NECAB1: variants seen among roughly 807,000 people sequenced by gnomAD.
NECAB1 encodes N-terminal EF-hand calcium binding protein 1, also known as N-terminal EF-hand calcium-binding protein 1.
A neutral mutation model predicts 57.5 loss-of-function variants in NECAB1; 29 were observed. That is an observed-to-expected ratio of 0.50 (90% confidence interval 0.38 to 0.69). NECAB1 has a LOEUF of 0.69. Among genes scored for constraint, NECAB1 ranks in the 30% least tolerant of loss-of-function variants. The probability of loss-of-function intolerance (pLI) is 0.00; values close to 1 mark genes in which losing one functional copy is unlikely to be tolerated. For missense variants in NECAB1, 372 were observed against 413.8 expected, an observed-to-expected ratio of 0.90 and a Z score of 0.88; for synonymous variants, 142 against 147.7, an observed-to-expected ratio of 0.96 and a Z score of 0.28.
intron 10 of NECAB1, among the ~76,000 whole-genome samples, chr8:90,945,574 C>T (rs760554390): frequency 6.6e-6 from 1 of 152,068 alleles, no homozygotes; most frequent in Non-Finnish European, 1.5e-5. Flanking sequence ...GAGGACTGGC[C>T]CTCTTGCCAT....
chr8:90,895,431 G>A (rs920248056), intron 5 of NECAB1, among the ~76,000 whole-genome samples: 2 of 152,098 alleles, frequency 1.3e-5, no homozygotes, highest in Non-Finnish European at 2.9e-5. Flanking sequence ...ACAAACCAAA[G>A]GCATGTATGT....
At chr8:90,954,771 T>C (rs932049317) in intron 12 of NECAB1, among the ~76,000 whole-genome samples, 2 of 150,010 alleles carry the variant, frequency 1.3e-5, no homozygotes, top group Non-Finnish European at 3.0e-5. Flanking sequence ...AAATATCATA[T>C]AGGTATAAAT....
chr8:90,927,592 G>A (rs1402573536), intron 7 of NECAB1, among the ~76,000 whole-genome samples: 4 of 145,074 alleles, frequency 2.8e-5, no homozygotes, highest in South Asian at 4.3e-4. Flanking sequence ...CTTCTATAAC[G>A]TTTAACTTGG....
At chr8:90,864,865 C>T (rs180852570) in intron 3 of NECAB1, among the ~76,000 whole-genome samples, 165 of 152,114 alleles carry the variant, frequency 1.1e-3, no homozygotes, top group Middle Eastern at 6.8e-3. Flanking sequence ...ATAAAATACC[C>T]AAGGAGTATT....
intron 3 of NECAB1, among the ~76,000 whole-genome samples, chr8:90,835,676 T>C (rs1011877992): frequency 6.6e-6 from 1 of 152,182 alleles, no homozygotes; most frequent in Non-Finnish European, 1.5e-5. Flanking sequence ...TTACATAATA[T>C]CTTCTGTTAT....
At chr8:90,805,808 A>C (rs1036191789) in intron 2 of NECAB1, among the ~76,000 whole-genome samples, 14 of 152,216 alleles carry the variant, frequency 9.2e-5, no homozygotes, top group African/African-American at 3.4e-4. Flanking sequence ...AGATAAATGT[A>C]TACATTGTGT....
At chr8:90,821,301 C>T (rs1812140529) in intron 2 of NECAB1, among the ~76,000 whole-genome samples, 1 of 151,860 alleles carries the variant, frequency 6.6e-6, no homozygotes, top group African/African-American at 2.4e-5. Flanking sequence ...ATCTGTTGCT[C>T]AGTTTGGAAA....
At chr8:90,795,418 G>A (rs56284988) in intron 1 of NECAB1, among the ~76,000 whole-genome samples, 19,655 of 152,110 alleles carry the variant, frequency 0.13, 2,056 homozygotes, top group African/African-American at 0.29. Context: ...AAAGTTGTGA[G>A]GGGGATGAAT....
intron 7 of NECAB1, among the ~76,000 whole-genome samples, 192 bp from the exon 8 acceptor site, chr8:90,928,031 G>C (rs1810318609): frequency 6.6e-6 from 1 of 152,000 alleles, no homozygotes; most frequent in African/African-American, 2.4e-5. Flanking sequence ...GCCTGTGGAA[G>C]TGAACCCCTG....
At chr8:90,850,205 A>G (rs1427863507) in intron 3 of NECAB1, among the ~76,000 whole-genome samples, 1 of 152,246 alleles carries the variant, frequency 6.6e-6, no homozygotes, top group Non-Finnish European at 1.5e-5. Context: ...GGAGATAGGA[A>G]AAGACAATTA....
At chr8:90,947,321 C>A (rs1474269077) in intron 10 of NECAB1, among the ~76,000 whole-genome samples, 7 of 148,184 alleles carry the variant, frequency 4.7e-5, no homozygotes, top group East Asian at 2.0e-4. Context: ...CACACACACA[C>A]ACACACACAC....
In NECAB1 at chr8:90,913,125, G is replaced by A. The variant is rs960953223; in HGVS notation, c.358-4367G>A. ...TGATTCTATCAACCTGATGGGCAGA[G>A]CTTGCTTACTGAGAAATGATGTGAA... On this transcript the variant is annotated intron_variant, in intron 5 of 12. Transcript: ENST00000417640. Among the ~76,000 whole-genome samples, 21 of 152,272 alleles carry A rather than the reference G, an allele frequency of 1.4e-4. No homozygotes were observed. In the Middle Eastern group the frequency reaches 0.01, roughly 74 times the overall value.
intron 5 of NECAB1, among the ~76,000 whole-genome samples, chr8:90,904,333 AAAT>A (rs1384617635): frequency 6.6e-6 from 1 of 151,974 alleles, no homozygotes. Flanking sequence ...ATCATCAGCT[AAAT>A]AATAAGTATG....
At chr8:90,862,930 C>G (rs1265111516) in intron 3 of NECAB1, among the ~76,000 whole-genome samples, 1 of 148,220 alleles carries the variant, frequency 6.7e-6, no homozygotes, top group African/African-American at 2.5e-5. Flanking sequence ...TCTTCCTTCT[C>G]TTTCACTTAT....
intron 2 of NECAB1, among the ~76,000 whole-genome samples, chr8:90,803,362 C>T (rs959227728): frequency 6.6e-6 from 1 of 152,120 alleles, no homozygotes; most frequent in Non-Finnish European, 1.5e-5. Flanking sequence ...CAGTCTCCAG[C>T]TCAGAAATGC....
rs1586075721 is a variant in NECAB1, at chr8:90,874,947, A to T, written c.259+2794A>T. On this transcript the variant is annotated intron_variant, in intron 4 of 12. Transcript: ENST00000417640. ...CAATTGTGAAGGCCTTCCTAAATGC[A>T]TTTTTTTTTTGCCGTATCTTATCAC... Among the ~76,000 whole-genome samples the T allele has an allele frequency of 2.7e-5, 4 of 149,340 alleles. 1 individual carries two copies. The highest frequency in any genetic ancestry group is 3.0e-5 in the Non-Finnish European group (2 of 67,160).
intron 10 of NECAB1, 69 bp downstream of exon 10, chr8:90,940,967 T>A: frequency 8.6e-7 from 1 of 1,164,608 alleles, no homozygotes; most frequent in Non-Finnish European, 1.3e-6. Flanking sequence ...ATTTCTTACT[T>A]TAGACAAGGC....
chr8:90,943,754 C>G (rs1328452998), intron 10 of NECAB1, among the ~76,000 whole-genome samples: 1 of 152,098 alleles, frequency 6.6e-6, no homozygotes, highest in East Asian at 1.9e-4. Flanking sequence ...CATTTTGCAC[C>G]TATTTTCTTA....
intron 5 of NECAB1, among the ~76,000 whole-genome samples, chr8:90,897,301 T>C (rs1809380349): frequency 6.6e-6 from 1 of 152,218 alleles, no homozygotes; most frequent in South Asian, 2.1e-4. Context: ...TGTTGTTTGG[T>C]AAACTTAGCA....
Sources: allele counts gnomAD v4.1 joint callset (sites outside exome capture counted in the v4.1 genomes callset), GRCh38; gene constraint gnomAD v4.1.1; transcripts MANE v1.5; gene names NCBI Gene and HGNC (gene_info 2026-07-23, HGNC 2026-07-21).